Variants in HECW2 observed in about 807,000 individuals in gnomAD.
HECW2 encodes E3 ubiquitin-protein ligase HECW2.
Under a neutral mutation model 175.2 loss-of-function variants are expected in HECW2, and 61 were observed. The observed-to-expected ratio is 0.35, with a 90% CI of 0.28 to 0.43. The LOEUF is 0.43. HECW2 is among the 20% of genes least tolerant of loss of function. The pLI, the probability that HECW2 is intolerant of heterozygous loss-of-function variation, is 1.00. For synonymous variants in HECW2, 671 were observed against 731.0 expected, an observed-to-expected ratio of 0.92 and a Z score of 1.32; for missense variants, 1,524 against 2,000.5, an observed-to-expected ratio of 0.76 and a Z score of 4.54.
rs1336140090 is a variant in HECW2 at position 196,308,104 on chromosome 2, C to T, written c.2435-19G>A. 2 of 1,539,228 alleles carry T rather than the reference C, an allele frequency of 1.3e-6. No individual in the cohort carries two copies. Among genetic ancestry groups the T allele is most frequent in the Non-Finnish European group, 1.8e-6 (2 of 1,131,798 alleles). On this transcript the variant is annotated intron_variant, in intron 10 of 28. Transcript: ENST00000644978. ...TCCCAGTCTAAATGGCAGTGAGGCA[C>T]CGAAAGGAATTAGGAGGAGGAGCTG...
intron 24 of HECW2, among the ~76,000 whole-genome samples, chr2:196,221,622 T>C (rs981677631): frequency 2.6e-5 from 4 of 152,190 alleles, no homozygotes; most frequent in South Asian, 2.1e-4. Flanking sequence ...TGCAGTGGCA[T>C]GATCCAGGCT....
rs1336243524 is a variant in HECW2, at chr2:196,217,211, T to C, written c.4409-118A>G. On this transcript the variant is annotated intron_variant, in intron 26 of 28. Coordinates refer to ENST00000644978, the MANE Select transcript of HECW2 (RefSeq NM_001348768.2). The stretch of plus-strand genomic sequence containing the variant: ...ATCCTCTTGAATTCTTTACAAGTTG[T>C]CTATAATTTTAAGACTAAGGAATAA... 4.4e-6 allele frequency: 3 copies of C among 678,970 alleles called. No homozygotes were observed. The East Asian group carries it at 8.8e-5, about 20-fold the overall frequency. The allele number at this position is 678,970 out of a possible 1,614,324, so 42.1% of individuals were successfully genotyped here.
intron 1 of HECW2, among the ~76,000 whole-genome samples, chr2:196,587,025 T>C (rs1226999387): frequency 1.3e-5 from 2 of 152,206 alleles, no homozygotes; most frequent in Non-Finnish European, 2.9e-5. Flanking sequence ...AAGGATAATG[T>C]TTGTCTTTAA....
chr2:196,527,309 T>G (rs945090299), intron 1 of HECW2, among the ~76,000 whole-genome samples: 3 of 152,282 alleles, frequency 2.0e-5, no homozygotes, highest in Middle Eastern at 3.2e-3. Context: ...ACTTCCCAAG[T>G]GAGGCAATGC....
At chr2:196,310,520 T>C (rs988675622) in intron 10 of HECW2, among the ~76,000 whole-genome samples, 4 of 152,214 alleles carry the variant, frequency 2.6e-5, no homozygotes, top group Non-Finnish European at 1.5e-5. Context: ...GTTGTATCTA[T>C]CAAAGTTACT....
Position 196,266,385 on chromosome 2 carries a change from A to C in HECW2, c.3335+4808T>G, listed in dbSNP as rs73987954. ...AAAAAGGTGTCTTTAAAAATTCAAT[A>C]ATTATCCCTATGTAAACTGTCTGTA... On this transcript the variant is annotated intron_variant, in intron 17 of 28. Transcript: ENST00000644978. 3.5e-3 allele frequency among the ~76,000 whole-genome samples: 533 copies of C among 152,082 alleles called. 3 individuals carry two copies. Among genetic ancestry groups the C allele is most frequent in the African/African-American group, 0.012 (496 of 41,486 alleles).
At chr2:196,440,520 T>C (rs1696007377) in intron 1 of HECW2, among the ~76,000 whole-genome samples, 1 of 152,210 alleles carries the variant, frequency 6.6e-6, no homozygotes, top group Non-Finnish European at 1.5e-5. Flanking sequence ...ATTTTATACC[T>C]AAAATTTGAG....
Position 196,374,942 on chromosome 2 carries a change from C to T in HECW2, c.293-31178G>A, listed in dbSNP as rs559613297. Among the ~76,000 whole-genome samples, 12 of 151,848 alleles carry T rather than the reference C, an allele frequency of 7.9e-5. No homozygotes were observed. In the East Asian group the frequency reaches 2.1e-3, roughly 27 times the overall value. On this transcript the variant is annotated intron_variant, in intron 2 of 28. Coordinates refer to ENST00000644978, the MANE Select transcript of HECW2 (RefSeq NM_001348768.2). ...CTTTGGGAGGTCGAGGTGGGCAGAT[C>T]ACAAGGTCAGGAGTTCAAGACCAGC...
intron 1 of HECW2, among the ~76,000 whole-genome samples, chr2:196,496,566 T>C (rs1312241716): frequency 5.3e-5 from 8 of 152,206 alleles, no homozygotes; most frequent in Non-Finnish European, 8.8e-5. Flanking sequence ...CATCCAAATC[T>C]TAAGCCCTTT....
At chr2:196,237,831 T>C (rs1480777151) in intron 21 of HECW2, among the ~76,000 whole-genome samples, 1 of 152,188 alleles carries the variant, frequency 6.6e-6, no homozygotes, top group African/African-American at 2.4e-5. Flanking sequence ...ACGACTGGGA[T>C]TTTTGAGGAT....
intron 2 of HECW2, among the ~76,000 whole-genome samples, chr2:196,396,497 A>G (rs1286049636): frequency 6.6e-6 from 1 of 152,256 alleles, no homozygotes; most frequent in East Asian, 1.9e-4. Context: ...AGATAAAAAC[A>G]GGCATTATTA....
At chr2:196,534,322 A>G (rs750147881) in intron 1 of HECW2, among the ~76,000 whole-genome samples, 2 of 152,114 alleles carry the variant, frequency 1.3e-5, no homozygotes, top group Middle Eastern at 3.2e-3. Flanking sequence ...TTCTTCAACT[A>G]TGTAGCCCTT....
At chr2:196,385,795 A>C (rs1278560935) in intron 2 of HECW2, among the ~76,000 whole-genome samples, 1 of 152,154 alleles carries the variant, frequency 6.6e-6, no homozygotes, top group Non-Finnish European at 1.5e-5. Context: ...CTACTGTAGT[A>C]CATGGGTTTT....
At chr2:196,453,680 A>C (rs996343445) in intron 1 of HECW2, among the ~76,000 whole-genome samples, 10 of 152,130 alleles carry the variant, frequency 6.6e-5, no homozygotes, top group Non-Finnish European at 1.2e-4. Context: ...TTTTCTTATA[A>C]ATTATATTAC....
At chr2:196,210,704 C>T (rs2105786075) in intron 28 of HECW2, among the ~76,000 whole-genome samples, 1 of 151,946 alleles carries the variant, frequency 6.6e-6, no homozygotes, top group Non-Finnish European at 1.5e-5. Flanking sequence ...ACCTCCACCT[C>T]CTGGGTTCAA....
At position 196,225,849 on chromosome 2, in the gene HECW2, G is replaced by C. The variant is rs2105832451; in HGVS notation, c.3939C>G (p.Ile1313Met). ...HHEWFRFSGRILGLALIHQYL... is the reference protein window; with the variant it reads ...HHEWFRFSGRMLGLALIHQYL... ...ACTGGTGTATTAGTGCAAGACCAAG[G>C]ATCCTACCACTGAATCGGAACCTGT... Residue 1313 changes from isoleucine (I) to methionine (M), a missense_variant, in exon 23 of 29, where the codon ATC becomes ATG. By Grantham distance (10) the Ile-to-Met change is conservative. Around this residue, in one of 11 missense-constraint regions of HECW2, gnomAD observed 16 missense variants for 23.9 expected, o/e 0.67. Coordinates refer to ENST00000644978, the MANE Select transcript of HECW2 (RefSeq NM_001348768.2). 1.2e-6 allele frequency: 2 copies of C among 1,612,088 alleles called. No homozygotes were observed. Among genetic ancestry groups the C allele is most frequent in the Non-Finnish European group, 1.7e-6 (2 of 1,178,230 alleles).
At position 196,433,771 on chromosome 2, in the gene HECW2, C is replaced by T. The variant is rs537021540; in HGVS notation, c.-35-313G>A. Among the ~76,000 whole-genome samples the T allele has an allele frequency of 1.8e-4, 27 of 152,238 alleles. No homozygotes were observed. The South Asian group carries it at 5.6e-3, about 32-fold the overall frequency. On this transcript the variant is annotated intron_variant, in intron 1 of 28. Coordinates refer to ENST00000644978, the MANE Select transcript of HECW2 (RefSeq NM_001348768.2). ...TTTTAGGTCTATCCTTTCCCAAACA[C>T]CCCACGTTCAAACATGGCATCCTCT...
intron 20 of HECW2, 47 bp downstream of exon 20, chr2:196,242,037 T>A: frequency 6.3e-7 from 1 of 1,586,296 alleles, no homozygotes; most frequent in Non-Finnish European, 8.6e-7. Context: ...CTGTGCCCTC[T>A]CCTTTCACCA....
rs147495702 is a variant in HECW2 at position 196,450,379 on chromosome 2, G to A, written c.-35-16921C>T. Among the ~76,000 whole-genome samples, 1,459 of 152,252 alleles carry A rather than the reference G, an allele frequency of 9.6e-3. 10 individuals are homozygous for A. The highest frequency in any genetic ancestry group is 0.024 in the Middle Eastern group (7 of 294). ...GGAGATGAGAGGAAGAAGAAAGCTG[G>A]AAGAGGCAGCTACCAGGAATATAAC... is the stretch of plus-strand genomic sequence containing the variant. On this transcript the variant is annotated intron_variant, in intron 1 of 28. Coordinates refer to ENST00000644978, the MANE Select transcript of HECW2 (RefSeq NM_001348768.2).
Sources: allele counts gnomAD v4.1 joint callset (sites outside exome capture counted in the v4.1 genomes callset), GRCh38; gene constraint gnomAD v4.1.1; regional missense constraint gnomAD v4.1.1; transcripts MANE v1.5; gene names NCBI Gene and HGNC (gene_info 2026-07-23, HGNC 2026-07-21).